The following KCNIP4 variants were observed in gnomAD, a reference collection of about 807,000 sequenced individuals.
KCNIP4 encodes the protein Kv channel-interacting protein 4.
A neutral mutation model predicts 34.0 loss-of-function variants in KCNIP4; 12 were observed. That is an observed-to-expected ratio of 0.35 (90% confidence interval 0.23 to 0.57). The LOEUF is 0.57. Ranked by LOEUF, KCNIP4 falls within the 20% of genes least tolerant of loss-of-function variation. KCNIP4 has a pLI of 0.83. For synonymous variants in KCNIP4, 124 were observed against 102.2 expected, an observed-to-expected ratio of 1.21 and a Z score of -1.29; for missense variants, 238 against 311.7, an observed-to-expected ratio of 0.76 and a Z score of 1.78.
rs76013041 is a variant in KCNIP4 at position 21,109,755 on chromosome 4, G to A, written c.62-227046C>T. Among the ~76,000 whole-genome samples, 859 of 152,100 alleles carry A rather than the reference G, an allele frequency of 5.6e-3. 5 individuals carry two copies. The highest frequency in any genetic ancestry group is 0.018 in the African/African-American group (738 of 41,522). Reference sequence around the variant, plus strand: ...ATTTGGCCATCTTGGCTGCCCTCCCGTATATGGAGCATTTTGAAATATAAT... The same window carrying A: ...ATTTGGCCATCTTGGCTGCCCTCCCATATATGGAGCATTTTGAAATATAAT... On this transcript the variant is annotated intron_variant, in intron 1 of 8. Coordinates refer to ENST00000382152, the MANE Select transcript of KCNIP4 (RefSeq NM_025221.6).
At chr4:21,150,583 T>G (rs983321999) in intron 1 of KCNIP4, among the ~76,000 whole-genome samples, 1 of 152,096 alleles carries the variant, frequency 6.6e-6, no homozygotes. Context: ...ATTGGAGGAG[T>G]TTATAAGCAT....
At chr4:21,662,087 G>A (rs1224653204) in intron 1 of KCNIP4, among the ~76,000 whole-genome samples, 1 of 152,032 alleles carries the variant, frequency 6.6e-6, no homozygotes, top group Non-Finnish European at 1.5e-5. Context: ...CTGGACAAAG[G>A]GGTATTTGCT....
chr4:21,135,971 C>T (rs1751466197), intron 1 of KCNIP4, among the ~76,000 whole-genome samples: 1 of 152,186 alleles, frequency 6.6e-6, no homozygotes, highest in Non-Finnish European at 1.5e-5. Flanking sequence ...ATAACTGTTA[C>T]TATTCATGTA....
At chr4:21,628,643 C>T (rs1405391652) in intron 1 of KCNIP4, among the ~76,000 whole-genome samples, 5 of 152,116 alleles carry the variant, frequency 3.3e-5, no homozygotes, top group Non-Finnish European at 7.4e-5. Context: ...TTAATGCTAA[C>T]CACAGTTATA....
chr4:20,910,984 T>A (rs1011196588), intron 1 of KCNIP4, among the ~76,000 whole-genome samples: 1 of 152,060 alleles, frequency 6.6e-6, no homozygotes, highest in African/African-American at 2.4e-5. Context: ...CCTTTAATAA[T>A]CTGGGAAACT....
At chr4:21,671,695 G>T (rs1179729290) in intron 1 of KCNIP4, among the ~76,000 whole-genome samples, 2 of 152,170 alleles carry the variant, frequency 1.3e-5, no homozygotes, top group Non-Finnish European at 2.9e-5. Context: ...AGACTCAGGG[G>T]TATTAGGATG....
intron 1 of KCNIP4, among the ~76,000 whole-genome samples, chr4:21,822,478 C>T (rs1238574087): frequency 6.6e-6 from 1 of 152,084 alleles, no homozygotes; most frequent in African/African-American, 2.4e-5. Context: ...TATCCAGAAA[C>T]AAATGTAACT....
intron 1 of KCNIP4, among the ~76,000 whole-genome samples, chr4:21,659,849 T>A (rs1348937375): frequency 3.3e-5 from 5 of 152,196 alleles, no homozygotes; most frequent in Non-Finnish European, 7.4e-5. Context: ...GTGGTTATAG[T>A]AGATGATTAA....
At position 20,891,022 on chromosome 4, in the gene KCNIP4, A is replaced by G. The variant is rs115017974; in HGVS notation, c.62-8313T>C. 2.9e-3 allele frequency among the ~76,000 whole-genome samples: 448 copies of G among 152,346 alleles called. 5 individuals carry two copies. The highest frequency in any genetic ancestry group is 0.01 in the African/African-American group (431 of 41,576). ...CGATGGGCCATGAATTATGAATTCA[A>G]CAAGTACTGACAGTGGCAATGAAAG... On this transcript the variant is annotated intron_variant, in intron 1 of 8. Transcript: ENST00000382152.
At chr4:21,336,012 C>T (rs1250856334) in intron 1 of KCNIP4, among the ~76,000 whole-genome samples, 1 of 151,996 alleles carries the variant, frequency 6.6e-6, no homozygotes, top group African/African-American at 2.4e-5. Context: ...TATTTTTTTG[C>T]ATGTGGATGT....
At chr4:20,876,426 T>G in intron 2 of KCNIP4, among the ~76,000 whole-genome samples, 1 of 152,172 alleles carries the variant, frequency 6.6e-6, no homozygotes, top group Non-Finnish European at 1.5e-5. Context: ...TGTGCTTACA[T>G]AAAGTATAGT....
At chr4:20,829,766 T>C (rs1298615412) in intron 3 of KCNIP4, among the ~76,000 whole-genome samples, 1 of 152,192 alleles carries the variant, frequency 6.6e-6, no homozygotes, top group Non-Finnish European at 1.5e-5. Flanking sequence ...CACTCTGCTC[T>C]GTCAGAGTGA....
At chr4:21,380,262 T>C (rs1271169317) in intron 1 of KCNIP4, among the ~76,000 whole-genome samples, 1 of 152,276 alleles carries the variant, frequency 6.6e-6, no homozygotes, top group Non-Finnish European at 1.5e-5. Context: ...TAATACTATG[T>C]AAATATTGCC....
intron 1 of KCNIP4, among the ~76,000 whole-genome samples, chr4:21,757,573 G>T (rs886355298): frequency 2.0e-5 from 3 of 152,086 alleles, no homozygotes; most frequent in Non-Finnish European, 4.4e-5. Flanking sequence ...TTTTAGAGAC[G>T]TCTTCACCAT....
At chr4:21,551,479 A>G (rs1186786889) in intron 1 of KCNIP4, among the ~76,000 whole-genome samples, 3 of 152,142 alleles carry the variant, frequency 2.0e-5, no homozygotes, top group South Asian at 4.1e-4. Context: ...AAGTTGCTAC[A>G]GTTCATAGAA....
At chr4:20,986,464 G>A (rs1044486729) in intron 1 of KCNIP4, among the ~76,000 whole-genome samples, 7 of 151,898 alleles carry the variant, frequency 4.6e-5, no homozygotes, top group Non-Finnish European at 7.4e-5. Flanking sequence ...TTCCACCAAC[G>A]TTTAGCTACA....
chr4:20,996,161 A>G (rs1167755360), intron 1 of KCNIP4, among the ~76,000 whole-genome samples: 1 of 152,178 alleles, frequency 6.6e-6, no homozygotes, highest in East Asian at 1.9e-4. Flanking sequence ...TCCAAAGTAC[A>G]TTCTGTATCT....
At chr4:21,722,049 T>C (rs1324879147) in intron 1 of KCNIP4, among the ~76,000 whole-genome samples, 1 of 152,214 alleles carries the variant, frequency 6.6e-6, no homozygotes, top group Non-Finnish European at 1.5e-5. Context: ...TGATTTGCAC[T>C]AAAAACTTAG....
In KCNIP4 at chr4:20,758,864, T is replaced by C; in HGVS notation, c.315A>G (p.Glu105=). 6.2e-7 allele frequency: 1 copy of C among 1,613,374 alleles called. No homozygotes were observed. Among genetic ancestry groups the C allele is most frequent in the Non-Finnish European group, 8.5e-7 (1 of 1,179,454 alleles). Reference sequence around the variant, plus strand: ...GCGAGTAAATCTCTTTGAAGGTTTCTTCATTAACAACACCACTGGGGCATT... The same window carrying C: ...GCGAGTAAATCTCTTTGAAGGTTTCCTCATTAACAACACCACTGGGGCATT... The part of the protein sequence containing the change: ...KNECPSGVVN[E]ETFKEIYSQF... The change falls in exon 4 of 9, where the codon GAA becomes GAG. Residue 105 remains glutamate (E), a synonymous_variant. Coordinates refer to ENST00000382152, the MANE Select transcript of KCNIP4 (RefSeq NM_025221.6).
Sources: gnomAD v4.1 joint callset for allele counts (sites outside exome capture counted in the v4.1 genomes callset) on GRCh38, gnomAD v4.1.1 for gene constraint, MANE v1.5 for transcripts, NCBI Gene and HGNC (gene_info 2026-07-23, HGNC 2026-07-21) for gene names.